The following RAB4A variants were observed in gnomAD, a reference collection of about 807,000 sequenced individuals.
RAB4A encodes RAB4A, member RAS oncogene family, also known as ras-related protein Rab-4A.
In RAB4A, 20 loss-of-function variants were observed where a neutral mutation model predicts 34.5. That is an observed-to-expected ratio of 0.58 (90% CI 0.41 to 0.84). RAB4A has a LOEUF of 0.84. Among genes scored for constraint, RAB4A ranks in the 40% least tolerant of loss-of-function variants. The pLI, the probability that RAB4A is intolerant of heterozygous loss-of-function variation, is 0.00. For synonymous variants in RAB4A, 102 were observed against 100.0 expected, an observed-to-expected ratio of 1.02 and a Z score of -0.12; for missense variants, 228 against 274.5, an observed-to-expected ratio of 0.83 and a Z score of 1.20.
intron 3 of RAB4A, among the ~76,000 whole-genome samples, chr1:229,291,680 T>G (rs1657090640): frequency 6.6e-6 from 1 of 152,118 alleles, no homozygotes; most frequent in Non-Finnish European, 1.5e-5. Flanking sequence ...ATGACTTAAT[T>G]AAAGGAAACC....
chr1:229,275,345 A>C (rs1372215589), intron 1 of RAB4A, among the ~76,000 whole-genome samples: 1 of 152,164 alleles, frequency 6.6e-6, no homozygotes, highest in African/African-American at 2.4e-5. Flanking sequence ...CAGAAGCTAG[A>C]GAGAGGCAAG....
At chr1:229,271,498 C>A in intron 1 of RAB4A, 128 bp downstream of exon 1, 1 of 753,652 alleles carries the variant, frequency 1.3e-6, no homozygotes, top group Non-Finnish European at 1.7e-6. Flanking sequence ...GGACGGATCT[C>A]GGAGGTGTCT....
intron 4 of RAB4A, 80 bp downstream of exon 4, chr1:229,295,990 T>C: frequency 7.0e-7 from 1 of 1,429,180 alleles, no homozygotes; most frequent in Middle Eastern, 1.8e-4. Flanking sequence ...GTGCCCTCCG[T>C]GCAGTGTGTG....
At chr1:229,271,437 G>A in intron 1 of RAB4A, 67 bp downstream of exon 1, 1 of 1,161,776 alleles carries the variant, frequency 8.6e-7, no homozygotes, top group African/African-American at 1.6e-5. Flanking sequence ...GCGGGGCCGG[G>A]CCTGGGCTGC....
At chr1:229,303,616 A>C (rs1368310806) in intron 7 of RAB4A, among the ~76,000 whole-genome samples, 190 bp from the exon 8 acceptor site, 2 of 152,184 alleles carry the variant, frequency 1.3e-5, no homozygotes, top group Non-Finnish European at 1.5e-5. Context: ...GTCTCCCTTT[A>C]ACTTTTTAAA....
At chr1:229,271,439 C>A in intron 1 of RAB4A, 69 bp downstream of exon 1, 1 of 1,158,672 alleles carries the variant, frequency 8.6e-7, no homozygotes, top group Non-Finnish European at 1.1e-6. Context: ...GGGGCCGGGC[C>A]TGGGCTGCGG....
intron 1 of RAB4A, among the ~76,000 whole-genome samples, chr1:229,284,383 G>A (rs1436052469): frequency 6.6e-6 from 1 of 152,118 alleles, no homozygotes; most frequent in Admixed American, 6.6e-5. Flanking sequence ...ACAGGCATGA[G>A]CCACCACACC....
In RAB4A at chr1:229,302,855, T is replaced by G; in HGVS notation, c.542-7T>G. 1 of 1,603,788 alleles carries G rather than the reference T, an allele frequency of 6.2e-7. No homozygotes were observed. The highest frequency in any genetic ancestry group is 8.5e-7 in the Non-Finnish European group (1 of 1,171,682). ...CTTTTTTAAAAGAAGACTTGCTTGGTCCTTAGGTGAGCTGGACCCAGAAAG... is the reference window on the plus strand; with the variant it reads ...CTTTTTTAAAAGAAGACTTGCTTGGGCCTTAGGTGAGCTGGACCCAGAAAG... On this transcript the variant is annotated splice_region_variant and splice_polypyrimidine_tract_variant and intron_variant, in intron 6 of 7. Coordinates refer to ENST00000366690, the MANE Select transcript of RAB4A (RefSeq NM_004578.4).
At chr1:229,289,549 G>A (rs183959873) in intron 3 of RAB4A, among the ~76,000 whole-genome samples, 2 of 152,138 alleles carry the variant, frequency 1.3e-5, no homozygotes, top group Admixed American at 6.6e-5. Context: ...GCACAATGGC[G>A]CATGCCTGTA....
rs1657529621 is a variant in RAB4A at position 229,305,603 on chromosome 1, C to T, written c.*1810C>T. The T allele has an allele frequency of 4.9e-6, 1 of 202,218 alleles. No homozygotes were observed. The highest frequency in any genetic ancestry group is 6.0e-5 in the Admixed American group (1 of 16,750). 12.5% of individuals were successfully genotyped at this position (202,218 alleles called of 1,614,324 possible). A position where few individuals can be genotyped will look rare whatever the true frequency, so the allele number is the denominator to read the frequency against. On this transcript the variant is annotated 3_prime_UTR_variant, in exon 8 of 8. Transcript: ENST00000366690. ...AGTAATAAATGTCATGTTTCTATTTCCCGCAACTCATTAAGTTTTCAGGAA... is the reference window on the plus strand; with the variant it reads ...AGTAATAAATGTCATGTTTCTATTTTCCGCAACTCATTAAGTTTTCAGGAA...
Position 229,304,634 on chromosome 1 carries a change from C to G in RAB4A, c.*841C>G, listed in dbSNP as rs1657501388. The stretch of plus-strand genomic sequence containing the variant: ...ATCCACTTCCAGTTTGCTGGTCTCC[C>G]TGCTAGAAAACACATTGTACTGTGC... On this transcript the variant is annotated 3_prime_UTR_variant, in exon 8 of 8. Transcript: ENST00000366690. The G allele has an allele frequency of 6.6e-6, 1 of 152,246 alleles. No individual in the cohort carries two copies. Among genetic ancestry groups the G allele is most frequent in the Admixed American group, 6.5e-5 (1 of 15,282 alleles). 9.4% of individuals were successfully genotyped at this position (152,246 alleles called of 1,614,324 possible).
rs1657519468 is a variant in RAB4A at position 229,305,199 on chromosome 1, C to A, written c.*1406C>A. 6.2e-7 allele frequency: 1 copy of A among 1,603,744 alleles called. No individual in the cohort carries two copies. Among genetic ancestry groups the A allele is most frequent in the African/African-American group, 1.3e-5 (1 of 74,408 alleles). ...TATTTTGAGTTTTGCTTTTTTTATG[C>A]CTTGAATATTTTATTTCAAAAAGTA... is the stretch of plus-strand genomic sequence containing the variant. On this transcript the variant is annotated 3_prime_UTR_variant, in exon 8 of 8. Coordinates refer to ENST00000366690, the MANE Select transcript of RAB4A (RefSeq NM_004578.4).
intron 3 of RAB4A, among the ~76,000 whole-genome samples, chr1:229,295,399 G>A (rs964253348): frequency 2.6e-5 from 4 of 152,138 alleles, no homozygotes; most frequent in Non-Finnish European, 4.4e-5. Context: ...GTGTAGGGCC[G>A]TGGTGACTAT....
chr1:229,281,035 A>G (rs1656764995), intron 1 of RAB4A, among the ~76,000 whole-genome samples: 1 of 152,208 alleles, frequency 6.6e-6, no homozygotes, highest in Non-Finnish European at 1.5e-5. Context: ...CCTGTTAAAG[A>G]ACATCTGGGT....
rs1259570071 is a variant in RAB4A at position 229,302,285 on chromosome 1, ATATATATATATATATATATATATATTTT to A, written c.542-575_542-548del. On this transcript the variant is annotated intron_variant, in intron 6 of 7. Transcript: ENST00000366690. ...TATATATATATATATATATATATAT[ATATATATATATATATATATATATATTTT>A]TTTTTTTTTTTTACATGTGCATGAG... Among the ~76,000 whole-genome samples, 29 of 20,154 alleles carry A rather than the reference ATATATATATATATATATATATATATTTT, an allele frequency of 1.4e-3. 2 individuals carry two copies. Among genetic ancestry groups the A allele is most frequent in the Admixed American group, 6.5e-3 (13 of 1,990 alleles). 13.2% of individuals were successfully genotyped at this position (20,154 alleles called of 152,430 possible). A position where few individuals can be genotyped will look rare whatever the true frequency, so the allele number is the denominator to read the frequency against.
In RAB4A at chr1:229,302,969, G is replaced by C; in HGVS notation, c.649G>C (p.Gly217Arg). Residue 217 changes from glycine (G) to arginine (R), a missense_variant, in exon 7 of 8, where the codon GGT becomes CGT. Coordinates refer to ENST00000366690, the MANE Select transcript of RAB4A (RefSeq NM_004578.4). ...ACAGGCCCCGAACGCTCAGGAGTGTGGTTGTTAGGAGAGCACACAGGTGGG... is the reference window on the plus strand; with the variant it reads ...ACAGGCCCCGAACGCTCAGGAGTGTCGTTGTTAGGAGAGCACACAGGTGGG... ...RAQAPNAQECGC is the reference protein window; with the variant it reads ...RAQAPNAQECRC 6.2e-7 allele frequency: 1 copy of C among 1,613,658 alleles called. No homozygotes were observed. The highest frequency in any genetic ancestry group is 2.2e-5 in the East Asian group (1 of 44,862).
rs1399265093 is a variant in RAB4A, at chr1:229,303,959, A to C, written c.*166A>C. ...TGCAAGCCAGTCAAAGTGGCACAGC[A>C]AATCATATAAATCGAATTAAATGGA... On this transcript the variant is annotated 3_prime_UTR_variant, in exon 8 of 8. Coordinates refer to ENST00000366690, the MANE Select transcript of RAB4A (RefSeq NM_004578.4). The C allele has an allele frequency of 6.6e-6, 1 of 152,238 alleles. No individual in the cohort carries two copies. The highest frequency in any genetic ancestry group is 1.5e-5 in the Non-Finnish European group (1 of 68,044). The allele number at this position is 152,238 out of a possible 1,614,324, so 9.4% of individuals were successfully genotyped here. A position where few individuals can be genotyped will look rare whatever the true frequency, so the allele number is the denominator to read the frequency against.
At position 229,305,766 on chromosome 1, in the gene RAB4A, G is replaced by C. The variant is rs1657533704; in HGVS notation, c.*1973G>C. 1 of 152,274 alleles carries C rather than the reference G, an allele frequency of 6.6e-6. No individual in the cohort carries two copies. The highest frequency in any genetic ancestry group is 2.4e-5 in the African/African-American group (1 of 41,438). 9.4% of individuals were successfully genotyped at this position (152,274 alleles called of 1,614,324 possible). ...TGAAAATGAGAACATCACAATTTGG[G>C]AATCTGTAATGGTTTTGTTGAAAAC... On this transcript the variant is annotated 3_prime_UTR_variant, in exon 8 of 8. Coordinates refer to ENST00000366690, the MANE Select transcript of RAB4A (RefSeq NM_004578.4).
chr1:229,271,298 A>G lies in RAB4A; in HGVS notation c.-42A>G, dbSNP rs1483492142. On this transcript the variant is annotated 5_prime_UTR_variant, in exon 1 of 8. Transcript: ENST00000366690. ...GAGACGCGCCGGCGGACCGCGGGCG[A>G]GTGCAGCCGGTGACCCGGCGAGAGG... The G allele has an allele frequency of 7.5e-7, 1 of 1,327,180 alleles. No homozygotes were observed. The highest frequency in any genetic ancestry group is 2.3e-4 in the Middle Eastern group (1 of 4,276). 82.2% of individuals were successfully genotyped at this position (1,327,180 alleles called of 1,614,324 possible).
Sources: gnomAD v4.1 joint callset for allele counts (sites outside exome capture counted in the v4.1 genomes callset) on GRCh38, gnomAD v4.1.1 for gene constraint, MANE v1.5 for transcripts, NCBI Gene and HGNC (gene_info 2026-07-23, HGNC 2026-07-21) for gene names.